The following CDH12 variants were observed in gnomAD, a reference collection of about 807,000 sequenced individuals.
CDH12 encodes cadherin 12.
CDH12 carries 41 observed loss-of-function variants against 74.1 expected under a neutral mutation model. The observed-to-expected ratio is 0.55, with a 90% CI of 0.43 to 0.72. The LOEUF is 0.72. CDH12 is among the 30% of genes least tolerant of loss of function. The pLI is 0.00. For synonymous variants in CDH12, 399 were observed against 355.0 expected, an observed-to-expected ratio of 1.12 and a Z score of -1.39; for missense variants, 945 against 977.2, an observed-to-expected ratio of 0.97 and a Z score of 0.44.
chr5:22,655,034 A>G (rs1181604587), intron 1 of CDH12, among the ~76,000 whole-genome samples: 2 of 152,154 alleles, frequency 1.3e-5, no homozygotes, highest in African/African-American at 4.8e-5. Context: ...AATCTAACTT[A>G]TCTACCCTCA....
chr5:22,850,050 T>C (rs1737475012), intron 1 of CDH12, among the ~76,000 whole-genome samples: 1 of 152,100 alleles, frequency 6.6e-6, no homozygotes, highest in Non-Finnish European at 1.5e-5. Context: ...AATTGAATAA[T>C]TGAATTCAAA....
intron 1 of CDH12, among the ~76,000 whole-genome samples, chr5:22,627,850 T>G (rs1738376957): frequency 6.6e-6 from 1 of 151,826 alleles, no homozygotes; most frequent in Non-Finnish European, 1.5e-5. Context: ...CCATCTCACA[T>G]GCAATTGACA....
At chr5:22,824,028 A>G (rs534953062) in intron 1 of CDH12, among the ~76,000 whole-genome samples, 2 of 152,310 alleles carry the variant, frequency 1.3e-5, no homozygotes, top group South Asian at 4.1e-4. Context: ...AAATTCATAT[A>G]ATAATGATAA....
chr5:21,754,116 GC>G (rs1223582694), intron 14 of CDH12, among the ~76,000 whole-genome samples: 4 of 152,164 alleles, frequency 2.6e-5, no homozygotes, highest in Non-Finnish European at 5.9e-5. Context: ...CAGTTGCTGG[GC>G]AGATGTTCCG....
intron 6 of CDH12, among the ~76,000 whole-genome samples, chr5:21,892,154 G>A (rs944880121): frequency 5.3e-5 from 8 of 152,084 alleles, no homozygotes; most frequent in African/African-American, 1.9e-4. Context: ...CTGTATTTGG[G>A]GAGTAAAAGA....
intron 3 of CDH12, among the ~76,000 whole-genome samples, chr5:22,264,791 T>G (rs1243128247): frequency 6.6e-6 from 1 of 152,194 alleles, no homozygotes; most frequent in Non-Finnish European, 1.5e-5. Flanking sequence ...AAGAAATGTC[T>G]TCTTCTCTAA....
intron 3 of CDH12, among the ~76,000 whole-genome samples, chr5:22,342,281 T>G (rs1739886462): frequency 6.6e-6 from 1 of 152,122 alleles, no homozygotes; most frequent in Non-Finnish European, 1.5e-5. Context: ...CAGAGAGAAA[T>G]GAGGAAAGTG....
intron 1 of CDH12, among the ~76,000 whole-genome samples, chr5:22,724,007 A>G (rs1744031396): frequency 6.6e-6 from 1 of 151,778 alleles, no homozygotes; most frequent in African/African-American, 2.4e-5. Context: ...CAGTTTTACA[A>G]TTGAGCAAAC....
chr5:22,748,950 G>A (rs1157763025), intron 1 of CDH12, among the ~76,000 whole-genome samples: 3 of 152,134 alleles, frequency 2.0e-5, no homozygotes, highest in Non-Finnish European at 4.4e-5. Flanking sequence ...GAAACTCACT[G>A]GGCTGGGAGA....
At chr5:22,141,840 A>G (rs1746817655) in intron 4 of CDH12, among the ~76,000 whole-genome samples, 2 of 152,214 alleles carry the variant, frequency 1.3e-5, no homozygotes, top group African/African-American at 2.4e-5. Flanking sequence ...GGTACTAATC[A>G]TTAAGTTTCT....
intron 1 of CDH12, among the ~76,000 whole-genome samples, chr5:22,621,633 T>G (rs1386400374): frequency 1.3e-5 from 2 of 152,084 alleles, no homozygotes; most frequent in Admixed American, 6.6e-5. Flanking sequence ...CTGGCAATAT[T>G]AATCAAGAAA....
intron 3 of CDH12, among the ~76,000 whole-genome samples, chr5:22,327,632 G>A (rs925044308): frequency 6.6e-6 from 1 of 152,054 alleles, no homozygotes; most frequent in African/African-American, 2.4e-5. Context: ...TGGACAAAAA[G>A]AAATAAATAG....
chr5:22,655,418 T>A (rs1445013320), intron 1 of CDH12, among the ~76,000 whole-genome samples: 1 of 152,182 alleles, frequency 6.6e-6, no homozygotes, highest in Non-Finnish European at 1.5e-5. Flanking sequence ...AGCATAGCAC[T>A]CAAAATATTC....
chr5:22,403,367 G>T (rs1742810801), intron 3 of CDH12, among the ~76,000 whole-genome samples: 1 of 152,188 alleles, frequency 6.6e-6, no homozygotes, highest in Non-Finnish European at 1.5e-5. Context: ...TTGCACCAAA[G>T]GAGTCTGCTC....
chr5:22,117,462 A>G (rs1389962630), intron 4 of CDH12, among the ~76,000 whole-genome samples: 1 of 64,368 alleles, frequency 1.6e-5, no homozygotes, highest in African/African-American at 5.6e-5. Flanking sequence ...TATATATTAT[A>G]TATATAATAT....
chr5:22,214,879 T>G (rs1392217723), intron 3 of CDH12, among the ~76,000 whole-genome samples: 1 of 152,206 alleles, frequency 6.6e-6, no homozygotes, highest in Non-Finnish European at 1.5e-5. Context: ...ATGGTTTCTA[T>G]AGAGAGTATG....
At chr5:22,742,347 C>T (rs939090748) in intron 1 of CDH12, among the ~76,000 whole-genome samples, 5 of 152,098 alleles carry the variant, frequency 3.3e-5, no homozygotes, top group Non-Finnish European at 5.9e-5. Context: ...ATGAGCTGCC[C>T]TCTGTCTTAA....
intron 4 of CDH12, among the ~76,000 whole-genome samples, chr5:22,112,511 T>G (rs559027332): frequency 6.6e-6 from 1 of 152,072 alleles, no homozygotes; most frequent in Non-Finnish European, 1.5e-5. Context: ...AACTAAAAGG[T>G]CAGTAGAGTT....
chr5:22,311,310 AT>A (rs1243849318), intron 3 of CDH12, among the ~76,000 whole-genome samples: 1 of 152,244 alleles, frequency 6.6e-6, no homozygotes, highest in Non-Finnish European at 1.5e-5. Flanking sequence ...TTACATTAAA[AT>A]AACATAAATT....
Sources: allele counts gnomAD v4.1 joint callset (sites outside exome capture counted in the v4.1 genomes callset), GRCh38; gene constraint gnomAD v4.1.1; transcripts MANE v1.5; gene names NCBI Gene and HGNC (gene_info 2026-07-23, HGNC 2026-07-21).